MECOM: variants seen among roughly 807,000 people sequenced by gnomAD.
The protein encoded by MECOM is histone-lysine N-methyltransferase MECOM.
Under a neutral mutation model 116.3 loss-of-function variants are expected in MECOM, and 13 were observed. That is an observed-to-expected ratio of 0.11 (90% confidence interval 0.07 to 0.18). The LOEUF is 0.18. Ranked by LOEUF, MECOM falls within the 10% of genes least tolerant of loss-of-function variation. The pLI is 1.00. For missense variants in MECOM, 1,299 were observed against 1,509.0 expected (o/e 0.86, Z 2.31); for synonymous variants, 528 against 535.2 (o/e 0.99, Z 0.19).
chr3:169,204,382 A>ACATCAGTTACT (rs1181023683), intron 2 of MECOM, among the ~76,000 whole-genome samples: 6 of 152,142 alleles, frequency 3.9e-5, no homozygotes, highest in Non-Finnish European at 8.8e-5. Context: ...TTCCAGCTGC[A>ACATCAGTTACT]CATCAGTTAC....
At chr3:169,460,574 T>C (rs1473614361) in intron 1 of MECOM, among the ~76,000 whole-genome samples, 1 of 152,222 alleles carries the variant, frequency 6.6e-6, no homozygotes, top group Non-Finnish European at 1.5e-5. Flanking sequence ...AATCTATTTG[T>C]ATGAATGTTC....
At chr3:169,151,599 T>C (rs1741183535) in intron 2 of MECOM, among the ~76,000 whole-genome samples, 1 of 152,224 alleles carries the variant, frequency 6.6e-6, no homozygotes, top group Non-Finnish European at 1.5e-5. Flanking sequence ...TTTCATACAG[T>C]TCATGTCAAG....
At chr3:169,268,229 A>C (rs1056644547) in intron 2 of MECOM, among the ~76,000 whole-genome samples, 13 of 152,212 alleles carry the variant, frequency 8.5e-5, no homozygotes, top group Non-Finnish European at 1.8e-4. Context: ...TATGGCGACA[A>C]ACAGTGTTAT....
At chr3:169,524,039 AATATATATATATAT>A (rs10575336) in intron 1 of MECOM, among the ~76,000 whole-genome samples, 1 of 138,248 alleles carries the variant, frequency 7.2e-6, no homozygotes, top group Admixed American at 7.3e-5. Context: ...TATATGAATA[AATATATATATATAT>A]ATATATATAT....
intron 2 of MECOM, among the ~76,000 whole-genome samples, chr3:169,222,868 C>T (rs946348037): frequency 3.9e-5 from 6 of 152,164 alleles, no homozygotes; most frequent in African/African-American, 1.4e-4. Context: ...TTGTTGCAGA[C>T]ACTGCAAAAT....
chr3:169,491,394 C>T (rs1484854624), intron 1 of MECOM, among the ~76,000 whole-genome samples: 2 of 152,018 alleles, frequency 1.3e-5, no homozygotes, highest in Non-Finnish European at 2.9e-5. Context: ...TGGTGATTTG[C>T]AGACCAAGAC....
chr3:169,390,793 T>C (rs1279639518), intron 1 of MECOM, among the ~76,000 whole-genome samples: 6 of 152,146 alleles, frequency 3.9e-5, no homozygotes, highest in Admixed American at 3.9e-4. Flanking sequence ...ACTCAGGAGC[T>C]ACACGCTAAA....
In MECOM at chr3:169,413,122, G is replaced by A. The variant is rs1737831211; in HGVS notation, c.38-31598C>T. Among the ~76,000 whole-genome samples the A allele has an allele frequency of 2.6e-5, 4 of 152,232 alleles. No individual in the cohort carries two copies. In the South Asian group the frequency reaches 8.3e-4, roughly 32 times the overall value. On this transcript the variant is annotated intron_variant, in intron 1 of 16. Coordinates refer to ENST00000651503, the MANE Select transcript of MECOM (RefSeq NM_004991.4). ...GCTCCCAGTGAGACCAATGCAGAAG[G>A]CAGGTGATTTCTGCATTTCCAACTG...
chr3:169,295,025 A>T lies in MECOM; in HGVS notation c.375+86162T>A, dbSNP rs191792354. Among the ~76,000 whole-genome samples, 13 of 151,070 alleles carry T rather than the reference A, an allele frequency of 8.6e-5. No individual in the cohort carries two copies. In the South Asian group the frequency reaches 2.5e-3, roughly 29 times the overall value. ...TTCTATTGCTTAGTTTTCTTTATTT[A>T]AAAAAAAATGTTTTCTATCTTAATG... On this transcript the variant is annotated intron_variant, in intron 2 of 16. Transcript: ENST00000651503.
chr3:169,406,307 C>T (rs1736684148), intron 1 of MECOM, among the ~76,000 whole-genome samples: 1 of 152,174 alleles, frequency 6.6e-6, no homozygotes, highest in African/African-American at 2.4e-5. Flanking sequence ...CTGAACAAGT[C>T]TTTTCATCTC....
At chr3:169,351,390 G>A (rs1323685110) in intron 2 of MECOM, among the ~76,000 whole-genome samples, 3 of 151,248 alleles carry the variant, frequency 2.0e-5, no homozygotes, top group African/African-American at 7.3e-5. Context: ...TGTATCTAAG[G>A]TGATAAATCT....
At chr3:169,632,969 A>G (rs886755814) in intron 1 of MECOM, among the ~76,000 whole-genome samples, 2 of 152,228 alleles carry the variant, frequency 1.3e-5, no homozygotes, top group African/African-American at 4.8e-5. Flanking sequence ...AACAAATGCT[A>G]TGCACTAAAG....
At chr3:169,612,613 G>A (rs1450265885) in intron 1 of MECOM, among the ~76,000 whole-genome samples, 1 of 151,944 alleles carries the variant, frequency 6.6e-6, no homozygotes, top group African/African-American at 2.4e-5. Flanking sequence ...CAAGAAGCCT[G>A]GGGGCCCTTT....
At chr3:169,633,515 A>G (rs1057240477) in intron 1 of MECOM, among the ~76,000 whole-genome samples, 1 of 152,164 alleles carries the variant, frequency 6.6e-6, no homozygotes, top group Non-Finnish European at 1.5e-5. Context: ...AAAGAACAAA[A>G]GGTTCTTGGA....
At chr3:169,510,685 T>C (rs1469234341) in intron 1 of MECOM, among the ~76,000 whole-genome samples, 3 of 152,104 alleles carry the variant, frequency 2.0e-5, no homozygotes, top group Non-Finnish European at 4.4e-5. Context: ...GTCTATACTC[T>C]CCTCCCGATA....
chr3:169,517,809 T>G (rs1381196098), intron 1 of MECOM, among the ~76,000 whole-genome samples: 1 of 152,114 alleles, frequency 6.6e-6, no homozygotes, highest in African/African-American at 2.4e-5. Context: ...ATTCAGTAAC[T>G]TAAAAATATT....
chr3:169,279,500 A>T (rs988160834), intron 2 of MECOM, among the ~76,000 whole-genome samples: 8 of 152,174 alleles, frequency 5.3e-5, no homozygotes, highest in Admixed American at 5.2e-4. Flanking sequence ...CAGAAAGGGA[A>T]ATTTGGGGAG....
rs140023102 is a variant in MECOM at position 169,388,813 on chromosome 3, C to T, written c.38-7289G>A. Among the ~76,000 whole-genome samples the T allele has an allele frequency of 7.3e-3, 1,106 of 152,016 alleles. 6 individuals are homozygous for T. Among genetic ancestry groups the T allele is most frequent in the Non-Finnish European group, 0.011 (725 of 67,950 alleles). On this transcript the variant is annotated intron_variant, in intron 1 of 16. Coordinates refer to ENST00000651503, the MANE Select transcript of MECOM (RefSeq NM_004991.4). ...TTGGCACTAGAATTTTTTTAATGAC[C>T]CTCTAAGCTTCCTTGCACTTTTAGT...
chr3:169,465,353 A>G (rs1177225914), intron 1 of MECOM, among the ~76,000 whole-genome samples: 2 of 152,174 alleles, frequency 1.3e-5, no homozygotes, highest in Non-Finnish European at 2.9e-5. Flanking sequence ...TTTAATTGTT[A>G]TTTCATATTC....
Sources: gnomAD v4.1 joint callset for allele counts (sites outside exome capture counted in the v4.1 genomes callset) on GRCh38, gnomAD v4.1.1 for gene constraint, MANE v1.5 for transcripts, NCBI Gene and HGNC (gene_info 2026-07-23, HGNC 2026-07-21) for gene names.